ATP9B: variants seen among roughly 807,000 people sequenced by gnomAD.
ATP9B encodes ATPase phospholipid transporting 9B, also known as probable phospholipid-transporting ATPase IIB.
Under a neutral mutation model 146.1 loss-of-function variants are expected in ATP9B, and 110 were observed. The observed-to-expected ratio is 0.75, with a 90% confidence interval of 0.65 to 0.88. ATP9B has a LOEUF of 0.88. ATP9B is among the 40% of genes least tolerant of loss of function. The pLI, the probability that ATP9B is intolerant of heterozygous loss-of-function variation, is 0.00. For missense variants in ATP9B, 1,499 were observed against 1,496.4 expected, an observed-to-expected ratio of 1.00 and a Z score of -0.03; for synonymous variants, 604 against 569.7, an observed-to-expected ratio of 1.06 and a Z score of -0.86.
intron 20 of ATP9B, chr18:79,344,057 A>G: frequency 1.7e-6 from 1 of 587,574 alleles, no homozygotes; most frequent in Non-Finnish European, 3.0e-6. Context: ...TTTGAAAATG[A>G]TTGGCGTTAA....
chr18:79,299,496 T>C (rs1040188470), intron 13 of ATP9B, among the ~76,000 whole-genome samples: 2 of 152,194 alleles, frequency 1.3e-5, no homozygotes, highest in Admixed American at 1.3e-4. Context: ...CTGCCCCCTC[T>C]CTGCAGTCTC....
rs371415883 is a variant in ATP9B at position 79,337,860 on chromosome 18, G to A, written c.2283+411G>A. Reference sequence around the variant, plus strand: ...GCCATTCCTGGGTTGGCCGGCACTCGTGCCCTTGCCCCCAGCCTGTCACAA... The same window carrying A: ...GCCATTCCTGGGTTGGCCGGCACTCATGCCCTTGCCCCCAGCCTGTCACAA... On this transcript the variant is annotated intron_variant, in intron 19 of 29. Transcript: ENST00000426216. 3.9e-5 allele frequency among the ~76,000 whole-genome samples: 6 copies of A among 152,326 alleles called. No individual in the cohort carries two copies. The South Asian group carries it at 8.3e-4, about 21-fold the overall frequency.
rs549688031 is a variant in ATP9B at position 79,239,967 on chromosome 18, G to A, written c.1108-13414G>A. On this transcript the variant is annotated intron_variant, in intron 11 of 29. Coordinates refer to ENST00000426216, the MANE Select transcript of ATP9B (RefSeq NM_198531.5). The surrounding 1 kb of genome is among the most constrained non-coding windows in gnomAD (Gnocchi z 5.1). Reference sequence around the variant, plus strand: ...ACCAGCAGATCACCACGCCTCAGGGGCCCCACACCCGCGGTCTCTTCCTAG... The same window carrying A: ...ACCAGCAGATCACCACGCCTCAGGGACCCCACACCCGCGGTCTCTTCCTAG... Among the ~76,000 whole-genome samples the A allele has an allele frequency of 6.6e-6, 1 of 152,288 alleles. No individual in the cohort carries two copies. The highest frequency in any genetic ancestry group is 6.5e-5 in the Admixed American group (1 of 15,306).
chr18:79,207,597 G>A (rs1490306478), intron 10 of ATP9B, among the ~76,000 whole-genome samples: 1 of 152,144 alleles, frequency 6.6e-6, no homozygotes, highest in African/African-American at 2.4e-5. Flanking sequence ...GGAATGGGTT[G>A]GTATCGATGC....
chr18:79,070,672 A>T (rs766253988), intron 1 of ATP9B, among the ~76,000 whole-genome samples: 3 of 147,506 alleles, frequency 2.0e-5, no homozygotes, highest in Admixed American at 6.8e-5. Context: ...TTTTTGCCTC[A>T]TGTACTTTGA....
At chr18:79,211,161 T>A (rs571367261) in intron 10 of ATP9B, among the ~76,000 whole-genome samples, 5 of 152,336 alleles carry the variant, frequency 3.3e-5, no homozygotes, top group African/African-American at 1.2e-4. Flanking sequence ...GGATTATGAT[T>A]TCTGGTATAA....
intron 5 of ATP9B, among the ~76,000 whole-genome samples, chr18:79,142,593 CTCATAGGAAT>C (rs2094527451): frequency 6.6e-6 from 1 of 152,058 alleles, no homozygotes; most frequent in Non-Finnish European, 1.5e-5. Flanking sequence ...GCTCCTAATG[CTCATAGGAAT>C]TAAAGTGGAC....
At chr18:79,217,527 G>A (rs2095639217) in intron 11 of ATP9B, among the ~76,000 whole-genome samples, 1 of 152,222 alleles carries the variant, frequency 6.6e-6, no homozygotes, top group Non-Finnish European at 1.5e-5. Context: ...ACATAACAGG[G>A]AAATGAAATA....
At position 79,277,105 on chromosome 18, in the gene ATP9B, G is replaced by A; in HGVS notation, c.1320G>A (p.Met440Ile). 6.2e-7 allele frequency: 1 copy of A among 1,614,206 alleles called. No individual in the cohort carries two copies. Among genetic ancestry groups the A allele is most frequent in the Non-Finnish European group, 8.5e-7 (1 of 1,180,024 alleles). Reference protein sequence around the residue: ...MGKAVYGWMMMKDENIPGTVV... With the variant: ...MGKAVYGWMMIKDENIPGTVV... ...AAGCGGTGTATGGATGGATGATGAT[G>A]AAAGATGAGAACATCCCTGGCACGG... Residue 440 changes from methionine to isoleucine, a missense_variant, in exon 13 of 30, where the codon ATG becomes ATA. Coordinates refer to ENST00000426216, the MANE Select transcript of ATP9B (RefSeq NM_198531.5).
At chr18:79,172,838 TG>T (rs764905334) in intron 7 of ATP9B, among the ~76,000 whole-genome samples, 4 of 152,274 alleles carry the variant, frequency 2.6e-5, no homozygotes, top group Non-Finnish European at 5.9e-5. Flanking sequence ...AAAACTGCTT[TG>T]AACAATTATG....
At chr18:79,216,980 A>G (rs2095632751) in intron 11 of ATP9B, among the ~76,000 whole-genome samples, 2 of 152,304 alleles carry the variant, frequency 1.3e-5, no homozygotes, top group African/African-American at 2.4e-5. Context: ...CATTGACCAC[A>G]TGGTAGGCAC....
chr18:79,205,867 A>G (rs932804663), intron 9 of ATP9B, among the ~76,000 whole-genome samples: 1 of 152,052 alleles, frequency 6.6e-6, no homozygotes, highest in Non-Finnish European at 1.5e-5. Flanking sequence ...TTGGTTTGCT[A>G]TCTGTTAAGG....
In ATP9B at chr18:79,355,880, G is replaced by A. The variant is rs117316364; in HGVS notation, c.2904-3474G>A. Among the ~76,000 whole-genome samples, 652 of 152,274 alleles carry A rather than the reference G, an allele frequency of 4.3e-3. 3 individuals are homozygous for A. The highest frequency in any genetic ancestry group is 6.1e-3 in the Non-Finnish European group (415 of 68,030). ...CATTGAAAGCAGCCAGTGAGGAGAC[G>A]GGGTACGTTGGGGATGACTGGAAAC... On this transcript the variant is annotated intron_variant, in intron 25 of 29. Coordinates refer to ENST00000426216, the MANE Select transcript of ATP9B (RefSeq NM_198531.5).
intron 7 of ATP9B, among the ~76,000 whole-genome samples, chr18:79,172,709 A>G (rs907352962): frequency 1.4e-4 from 21 of 152,284 alleles, no homozygotes; most frequent in African/African-American, 5.1e-4. Flanking sequence ...ATATGTCAAT[A>G]GTTTGTTCAT....
intron 6 of ATP9B, among the ~76,000 whole-genome samples, chr18:79,147,593 G>T (rs962552433): frequency 1.3e-5 from 2 of 152,078 alleles, no homozygotes; most frequent in African/African-American, 2.4e-5. Flanking sequence ...TATAGGATAG[G>T]TAGTCTCAAG....
At chr18:79,365,323 G>A (rs552404113) in intron 26 of ATP9B, among the ~76,000 whole-genome samples, 5 of 152,198 alleles carry the variant, frequency 3.3e-5, no homozygotes, top group South Asian at 2.1e-4. Context: ...GTACCCACCC[G>A]TGCTAGAACA....
At chr18:79,262,675 C>T (rs1401200532) in intron 12 of ATP9B, among the ~76,000 whole-genome samples, 1 of 152,146 alleles carries the variant, frequency 6.6e-6, no homozygotes, top group Admixed American at 6.5e-5. Flanking sequence ...TTTGTAATAC[C>T]ACAGTCCATC....
chr18:79,289,940 C>T (rs1195857699), intron 13 of ATP9B, among the ~76,000 whole-genome samples: 2 of 152,130 alleles, frequency 1.3e-5, no homozygotes, highest in Non-Finnish European at 2.9e-5. Flanking sequence ...TTTCGTGAAT[C>T]GCGAATGCTG....
chr18:79,307,130 G>A lies in ATP9B; in HGVS notation c.1669G>A (p.Val557Met), dbSNP rs200903609. The A allele has an allele frequency of 3.3e-4, 527 of 1,614,220 alleles. 1 individual carries two copies. The highest frequency in any genetic ancestry group is 5.2e-4 in the Admixed American group (31 of 60,024). The change falls in exon 15 of 30, where the codon GTG becomes ATG. Residue 557 changes from valine to methionine, a missense_variant. Transcript: ENST00000426216. ...AIVLCHNVTP[V>M]YESRAGVTEE... ...CGTGCTGTGTCACAACGTGACCCCC[G>A]TGTATGAGTCTCGGGCCGGCGTTAC...
Sources: allele counts gnomAD v4.1 joint callset (sites outside exome capture counted in the v4.1 genomes callset), GRCh38; gene constraint gnomAD v4.1.1; non-coding constraint Gnocchi (gnomAD v3.1); transcripts MANE v1.5; gene names NCBI Gene and HGNC (gene_info 2026-07-23, HGNC 2026-07-21).